Variants in CPB2 observed in about 807,000 individuals in gnomAD.
CPB2 encodes carboxypeptidase B-like protein.
In CPB2, 54 loss-of-function variants were observed where a neutral mutation model predicts 57.0. The ratio of observed to expected loss-of-function variants is 0.95; its 90% CI spans 0.76 to 1.19. CPB2 has a LOEUF of 1.19. Among genes scored for constraint, CPB2 ranks in the 50% most tolerant of loss-of-function variants. The pLI, the probability that CPB2 is intolerant of heterozygous loss-of-function variation, is 0.00. For missense variants in CPB2, 426 were observed against 512.0 expected (o/e 0.83, Z 1.62); for synonymous variants, 189 against 178.1 (o/e 1.06, Z -0.49).
intron 7 of CPB2, 132 bp downstream of exon 7, chr13:46,067,175 T>A: frequency 2.1e-6 from 1 of 484,658 alleles, no homozygotes; most frequent in East Asian, 3.2e-5. Flanking sequence ...TTTGACATTT[T>A]CCACAATAAA....
Position 46,077,054 on chromosome 13 carries a change from T to G in CPB2, c.486+1746A>C, listed in dbSNP as rs2045033063. ...TTTGGGTAAGATCTCAAAAGCACAG[T>G]CAACAGAAGCAAAAATAGATAAAGG... On this transcript the variant is annotated intron_variant, in intron 5 of 10. Transcript: ENST00000181383. 2.6e-5 allele frequency among the ~76,000 whole-genome samples: 4 copies of G among 151,896 alleles called. No homozygotes were observed. In the South Asian group the frequency reaches 8.3e-4, roughly 32 times the overall value.
chr13:46,074,047 A>G (rs2044984888), intron 5 of CPB2, 70 bp from the exon 6 acceptor site: 2 of 786,554 alleles, frequency 2.5e-6, no homozygotes, highest in Admixed American at 2.2e-5. Flanking sequence ...TTTCATTTAT[A>G]TAGTGCTTAT....
chr13:46,058,205 T>G lies in CPB2; in HGVS notation c.973A>C (p.Ser325Arg). The change falls in exon 9 of 11, where the codon AGT becomes CGT. Residue 325 changes from serine (S) to arginine (R), a missense_variant. Physicochemically the swap from Ser to Arg is moderately radical, Grantham distance 110. Coordinates refer to ENST00000181383, the MANE Select transcript of CPB2 (RefSeq NM_001872.5). ...HIVFPYSYTRSKSKDHEELSL... is the reference protein window; with the variant it reads ...HIVFPYSYTRRKSKDHEELSL... ...AGTTCCTCATGGTCTTTGCTTTTAC[T>G]TCGTGTATAGGAATATGGAAACACT... 1 of 1,613,930 alleles carries G rather than the reference T, an allele frequency of 6.2e-7. No individual in the cohort carries two copies. Among genetic ancestry groups the G allele is most frequent in the Non-Finnish European group, 8.5e-7 (1 of 1,179,798 alleles).
At chr13:46,104,529 C>T (rs2045471186) in intron 1 of CPB2, among the ~76,000 whole-genome samples, 1 of 152,206 alleles carries the variant, frequency 6.6e-6, no homozygotes, top group African/African-American at 2.4e-5. Context: ...ACACTTCACC[C>T]TCTTCTTCCT....
chr13:46,064,816 T>G, intron 7 of CPB2, 75 bp from the exon 8 acceptor site: 1 of 1,169,440 alleles, frequency 8.6e-7, no homozygotes, highest in Non-Finnish European at 1.3e-6. Flanking sequence ...CATTTGAAAG[T>G]CCATGAAGCC....
intron 5 of CPB2, among the ~76,000 whole-genome samples, chr13:46,074,325 A>T (rs887895545): frequency 3.9e-5 from 6 of 152,240 alleles, no homozygotes; most frequent in African/African-American, 1.4e-4. Flanking sequence ...TTCATGCTTC[A>T]TTTAGAGGTA....
rs137943437 is a variant in CPB2, at chr13:46,069,049, T to G, written c.592-1632A>C. 1.7e-4 allele frequency among the ~76,000 whole-genome samples: 26 copies of G among 152,344 alleles called. No homozygotes were observed. In the East Asian group the frequency reaches 5.0e-3, roughly 29 times the overall value. On this transcript the variant is annotated intron_variant, in intron 6 of 10. Transcript: ENST00000181383. ...CAACATGGGCCAAACTTTTAATAGA[T>G]GCAGCATATGAATTTCTTTTTCTGC...
At chr13:46,089,780 G>T (rs2045264408) in intron 1 of CPB2, among the ~76,000 whole-genome samples, 1 of 152,078 alleles carries the variant, frequency 6.6e-6, no homozygotes, top group Admixed American at 6.5e-5. Context: ...GCGGAAGATA[G>T]TCCCTCCCCA....
Position 46,082,485 on chromosome 13 carries a change from G to C in CPB2, c.340C>G (p.Arg114Gly). Residue 114 changes from arginine (R) to glycine (G), a missense_variant, in exon 4 of 11, where the codon CGA (arginine) becomes GGA (glycine). Transcript: ENST00000181383. ...TGTTCATAGTACGATGCGGAGGCTC[G>C]GGGGCTGACTGTGTCGTTGGAAATC... is the stretch of plus-strand genomic sequence containing the variant. ...QQISNDTVSP[R>G]ASASYYEQYH... 1 of 1,613,020 alleles carries C rather than the reference G, an allele frequency of 6.2e-7. No individual in the cohort carries two copies. The highest frequency in any genetic ancestry group is 8.5e-7 in the Non-Finnish European group (1 of 1,179,240).
At chr13:46,074,424 ATTT>A (rs58622539) in intron 5 of CPB2, among the ~76,000 whole-genome samples, 51,914 of 150,266 alleles carry the variant, frequency 0.35, 9,077 homozygotes, top group African/African-American at 0.39. Flanking sequence ...CTGAGTGCAT[ATTT>A]TTTTTTTATG....
chr13:46,104,549 C>G (rs1440592244), intron 1 of CPB2, among the ~76,000 whole-genome samples: 1 of 152,158 alleles, frequency 6.6e-6, no homozygotes, highest in Admixed American at 6.5e-5. Flanking sequence ...TCCTATGTTC[C>G]ATGTACAAGG....
intron 10 of CPB2, among the ~76,000 whole-genome samples, chr13:46,054,041 G>T (rs188751075): frequency 2.0e-5 from 3 of 152,118 alleles, no homozygotes; most frequent in East Asian, 1.9e-4. Context: ...TGCAATTACG[G>T]CATGTTCCCA....
chr13:46,091,500 T>C (rs992753167), intron 1 of CPB2, among the ~76,000 whole-genome samples: 1 of 152,250 alleles, frequency 6.6e-6, no homozygotes, highest in Non-Finnish European at 1.5e-5. Flanking sequence ...TTTTGGTAGA[T>C]GTCTTTTATC....
intron 1 of CPB2, among the ~76,000 whole-genome samples, chr13:46,093,563 T>A (rs2045324628): frequency 6.6e-6 from 1 of 152,182 alleles, no homozygotes; most frequent in Admixed American, 6.5e-5. Context: ...AACAGTTAAC[T>A]TGGGGGCTTT....
At chr13:46,096,785 G>T (rs1357022971) in intron 1 of CPB2, among the ~76,000 whole-genome samples, 2 of 147,188 alleles carry the variant, frequency 1.4e-5, no homozygotes, top group African/African-American at 5.0e-5. Flanking sequence ...TCTCAAAAAA[G>T]AAAAAAAAAA....
Position 46,062,025 on chromosome 13 carries a change from G to GT in CPB2, c.796+2622dup, listed in dbSNP as rs5803326. ...GTTCCTTACAATTACTTTTTATTTG[G>GT]TTTTTTTTTTTTTTTTTTTAGTTAA... On this transcript the variant is annotated intron_variant, in intron 8 of 10. Transcript: ENST00000181383. Among the ~76,000 whole-genome samples, 1,070 of 124,460 alleles carry GT rather than the reference G, an allele frequency of 8.6e-3. 10 individuals carry two copies. Among genetic ancestry groups the GT allele is most frequent in the African/African-American group, 0.027 (905 of 33,926 alleles). 81.7% of individuals were successfully genotyped at this position (124,460 alleles called of 152,430 possible).
intron 9 of CPB2, among the ~76,000 whole-genome samples, chr13:46,056,825 T>C (rs1470111620): frequency 6.6e-6 from 1 of 152,220 alleles, no homozygotes; most frequent in African/African-American, 2.4e-5. Context: ...TTTGTAGTTT[T>C]TCCCCCCCTT....
At chr13:46,058,673 A>G (rs1342923211) in intron 8 of CPB2, among the ~76,000 whole-genome samples, 1 of 152,194 alleles carries the variant, frequency 6.6e-6, no homozygotes, top group Non-Finnish European at 1.5e-5. Flanking sequence ...CTCCAGACTT[A>G]TGGTTATGGG....
intron 2 of CPB2, among the ~76,000 whole-genome samples, chr13:46,086,195 G>C (rs190877877): frequency 1.3e-5 from 2 of 152,136 alleles, no homozygotes; most frequent in East Asian, 1.9e-4. Context: ...CTCCCCAAAA[G>C]GCTGCAGCTC....
Sources: gnomAD v4.1 joint callset for allele counts (sites outside exome capture counted in the v4.1 genomes callset) on GRCh38, gnomAD v4.1.1 for gene constraint, MANE v1.5 for transcripts, NCBI Gene and HGNC (gene_info 2026-07-23, HGNC 2026-07-21) for gene names.